ADGRE1: variants seen among roughly 807,000 people sequenced by gnomAD.
The protein encoded by ADGRE1 is EGF-like module receptor 1.
In ADGRE1, 82 loss-of-function variants were observed where a neutral mutation model predicts 102.7. The ratio of observed to expected loss-of-function variants is 0.80; its 90% CI spans 0.67 to 0.96. The LOEUF (loss-of-function observed/expected upper bound fraction) is 0.96. Ranked by LOEUF, ADGRE1 falls within the 40% of genes least tolerant of loss-of-function variation. The pLI, the probability that ADGRE1 is intolerant of heterozygous loss-of-function variation, is 0.00. For synonymous variants in ADGRE1, 398 were observed against 399.6 expected (o/e 1.00, Z 0.05); for missense variants, 1,032 against 1,085.3 (o/e 0.95, Z 0.69).
At chr19:6,894,421 G>A (rs1399884959) in intron 2 of ADGRE1, among the ~76,000 whole-genome samples, 1 of 152,174 alleles carries the variant, frequency 6.6e-6, no homozygotes, top group Non-Finnish European at 1.5e-5. Context: ...TCAGGGAGCT[G>A]TGGAGGAGTC....
intron 2 of ADGRE1, among the ~76,000 whole-genome samples, chr19:6,891,823 G>T (rs1014035964): frequency 1.3e-5 from 2 of 152,114 alleles, no homozygotes; most frequent in African/African-American, 4.8e-5. Flanking sequence ...ATGTTCCAGT[G>T]GACTTAAAGG....
chr19:6,932,973 C>A (rs1242778754), intron 17 of ADGRE1, among the ~76,000 whole-genome samples: 2 of 152,204 alleles, frequency 1.3e-5, no homozygotes, highest in African/African-American at 4.8e-5. Flanking sequence ...GTAATCCCAG[C>A]ACTTTGGGAG....
intron 12 of ADGRE1, 100 bp from the exon 13 acceptor site, chr19:6,919,438 CCCTCTGTGTG>C: frequency 5.6e-6 from 3 of 537,510 alleles, no homozygotes; most frequent in Non-Finnish European, 6.0e-6. Context: ...CCCCCTCCCT[CCCTCTGTGTG>C]TGTGTGTGTG....
intron 3 of ADGRE1, 80 bp downstream of exon 3, chr19:6,896,621 CT>C: frequency 6.8e-7 from 1 of 1,481,324 alleles, no homozygotes; most frequent in Non-Finnish European, 9.1e-7. Context: ...AATGTAGGTA[CT>C]CCCCCACCCC....
At chr19:6,927,478 G>T (rs1303081894) in intron 16 of ADGRE1, among the ~76,000 whole-genome samples, 1 of 152,004 alleles carries the variant, frequency 6.6e-6, no homozygotes, top group Non-Finnish European at 1.5e-5. Flanking sequence ...AAGACAGTTT[G>T]CAGTTACACA....
chr19:6,930,907 G>T (rs1395832677), intron 17 of ADGRE1, among the ~76,000 whole-genome samples: 1 of 152,104 alleles, frequency 6.6e-6, no homozygotes, highest in Non-Finnish European at 1.5e-5. Context: ...CCAAAGTGCT[G>T]GGATTACAGG....
At chr19:6,890,875 G>A (rs761444058) in intron 2 of ADGRE1, among the ~76,000 whole-genome samples, 29 of 152,150 alleles carry the variant, frequency 1.9e-4, no homozygotes, top group Non-Finnish European at 4.3e-4. Flanking sequence ...TTTATAAATG[G>A]TAGTGTAGTG....
chr19:6,923,788 C>T (rs1304767836), intron 14 of ADGRE1, among the ~76,000 whole-genome samples: 40 of 128,554 alleles, frequency 3.1e-4, no homozygotes, highest in Middle Eastern at 4.2e-3. Flanking sequence ...TCCACCCGCC[C>T]CAGCCTCCCA....
chr19:6,923,941 TA>T (rs1762508801), intron 14 of ADGRE1, among the ~76,000 whole-genome samples: 2 of 151,158 alleles, frequency 1.3e-5, no homozygotes, highest in South Asian at 2.1e-4. Flanking sequence ...CAGAGACATT[TA>T]AAATTAATTT....
At chr19:6,913,958 G>A (rs1599740016) in intron 11 of ADGRE1, 128 bp downstream of exon 11, 2 of 1,051,058 alleles carry the variant, frequency 1.9e-6, no homozygotes, top group Non-Finnish European at 2.7e-6. Context: ...TGAATTCACA[G>A]CAAAGCAAGT....
chr19:6,919,616 GACC>G lies in ADGRE1; in HGVS notation c.1494_1496del (p.His498del). 1 of 1,613,362 alleles carries G rather than the reference GACC, an allele frequency of 6.2e-7. No homozygotes were observed. Among genetic ancestry groups the G allele is most frequent in the Non-Finnish European group, 8.5e-7 (1 of 1,179,888 alleles). On this transcript the variant is annotated inframe_deletion, in exon 13 of 21. Transcript: ENST00000312053. ...GGTTTTAAATGAGCGCTTCTTCAAA[GACC>G]ACCAGGCTCCCTTGACCACCTCTGA... is the stretch of plus-strand genomic sequence containing the variant.
chr19:6,936,094 G>C (rs899434267), intron 18 of ADGRE1, among the ~76,000 whole-genome samples: 3 of 151,824 alleles, frequency 2.0e-5, no homozygotes. Context: ...TTTTTCTTCG[G>C]TATCCAATCC....
intron 15 of ADGRE1, 134 bp downstream of exon 15, chr19:6,925,006 C>T: frequency 1.2e-6 from 1 of 802,456 alleles, no homozygotes; most frequent in East Asian, 2.7e-5. Flanking sequence ...CTGCCTGTAA[C>T]ACTCACTTCC....
Position 6,926,413 on chromosome 19 carries a change from C to T in ADGRE1, c.2034C>T (p.Ala678=). 6.2e-7 allele frequency: 1 copy of T among 1,614,242 alleles called. No homozygotes were observed. The highest frequency in any genetic ancestry group is 8.5e-7 in the Non-Finnish European group (1 of 1,180,048). The change falls in exon 16 of 21, where the codon GCC becomes GCT. Residue 678 remains alanine (A), a synonymous_variant. Transcript: ENST00000312053. ...IAGFLHYLFL[A]CFFWMLVEAV... ...GCTTCCTGCACTACCTTTTCCTTGC[C>T]TGCTTCTTCTGGATGCTGGTGGAGG... is the stretch of plus-strand genomic sequence containing the variant.
intron 1 of ADGRE1, among the ~76,000 whole-genome samples, chr19:6,889,969 G>A (rs1434896585): frequency 6.6e-6 from 1 of 152,090 alleles, no homozygotes; most frequent in African/African-American, 2.4e-5. Context: ...CTGGAGCGCA[G>A]TGGCATGATC....
Position 6,926,315 on chromosome 19 carries a change from C to T in ADGRE1, c.1987-51C>T, listed in dbSNP as rs74558163. ...AGTCTCTCTCTTCCTTTCTTCCTTTCGATTTCTCTCTGGGGTGGAGGATTC... is the reference window on the plus strand; with the variant it reads ...AGTCTCTCTCTTCCTTTCTTCCTTTTGATTTCTCTCTGGGGTGGAGGATTC... On this transcript the variant is annotated intron_variant, in intron 15 of 20. Coordinates refer to ENST00000312053, the MANE Select transcript of ADGRE1 (RefSeq NM_001974.5). 44,258 of 1,592,724 alleles carry T rather than the reference C, an allele frequency of 0.028. 1,250 individuals carry two copies. Among genetic ancestry groups the T allele is most frequent in the African/African-American group, 0.14 (10,110 of 74,518 alleles).
In ADGRE1 at chr19:6,913,600, A is replaced by G. The variant is rs2144951429; in HGVS notation, c.1123-53A>G. On this transcript the variant is annotated intron_variant, in intron 10 of 20. Transcript: ENST00000312053. The stretch of plus-strand genomic sequence containing the variant: ...CTTAATCAGAAAAGGGACAGCTGTT[A>G]TTTCATTAATGAGAGAGAGAGAGAG... The G allele has an allele frequency of 4.7e-6, 7 of 1,475,464 alleles. No homozygotes were observed. The South Asian group carries it at 1.0e-4, about 22-fold the overall frequency. The allele number at this position is 1,475,464 out of a possible 1,614,324, so 91.4% of individuals were successfully genotyped here.
intron 3 of ADGRE1, chr19:6,896,752 T>C: frequency 1.8e-6 from 1 of 562,644 alleles, no homozygotes; most frequent in Non-Finnish European, 3.0e-6. Flanking sequence ...CTAGCTAGTG[T>C]TGCTAGCAAA....
intron 17 of ADGRE1, among the ~76,000 whole-genome samples, chr19:6,933,021 G>T (rs567594631): frequency 6.6e-6 from 1 of 152,292 alleles, no homozygotes; most frequent in East Asian, 1.9e-4. Flanking sequence ...AGGAGTCTGA[G>T]ACCAGCCCGG....
Sources: gnomAD v4.1 joint callset for allele counts (sites outside exome capture counted in the v4.1 genomes callset) on GRCh38, gnomAD v4.1.1 for gene constraint, MANE v1.5 for transcripts, NCBI Gene and HGNC (gene_info 2026-07-23, HGNC 2026-07-21) for gene names.